Variants in FBXL7 observed in about 807,000 individuals in gnomAD.
FBXL7 encodes the protein F-box and leucine rich repeat protein 7.
FBXL7 carries 12 observed loss-of-function variants against 38.3 expected under a neutral mutation model. The ratio of observed to expected loss-of-function variants is 0.31; its 90% CI spans 0.20 to 0.51. The LOEUF (loss-of-function observed/expected upper bound fraction) is 0.51, where lower values mean the gene tolerates loss of function less well. Ranked by LOEUF, FBXL7 falls within the 20% of genes least tolerant of loss-of-function variation. FBXL7 has a pLI of 0.98. For missense variants in FBXL7, 567 were observed against 676.4 expected (o/e 0.84, Z 1.79); for synonymous variants, 297 against 300.9 (o/e 0.99, Z 0.13).
intron 3 of FBXL7, among the ~76,000 whole-genome samples, chr5:15,931,595 T>G (rs2126465437): frequency 6.6e-6 from 1 of 152,266 alleles, no homozygotes; most frequent in South Asian, 2.1e-4. Flanking sequence ...CTCCAATAAT[T>G]GCTCCCTATG....
chr5:15,891,548 T>G (rs768685147), intron 2 of FBXL7, among the ~76,000 whole-genome samples: 174 of 152,330 alleles, frequency 1.1e-3, no homozygotes, highest in Non-Finnish European at 1.9e-3. Flanking sequence ...CCTTTGAGCT[T>G]ACAGTCTAGT....
intron 2 of FBXL7, among the ~76,000 whole-genome samples, chr5:15,656,393 G>A (rs1195650111): frequency 6.6e-6 from 1 of 152,116 alleles, no homozygotes. Flanking sequence ...ACATGGCTGG[G>A]GAATCCTCAC....
chr5:15,843,076 T>C (rs1738792572), intron 2 of FBXL7, among the ~76,000 whole-genome samples: 1 of 152,234 alleles, frequency 6.6e-6, no homozygotes, highest in Non-Finnish European at 1.5e-5. Context: ...CTTATGTTTT[T>C]AGGTGATTCT....
At chr5:15,721,437 G>A (rs1217454834) in intron 2 of FBXL7, among the ~76,000 whole-genome samples, 1 of 152,026 alleles carries the variant, frequency 6.6e-6, no homozygotes, top group African/African-American at 2.4e-5. Flanking sequence ...TAGCAAACAA[G>A]GTTTCAAACA....
At position 15,862,998 on chromosome 5, in the gene FBXL7, A is replaced by G. The variant is rs140078016; in HGVS notation, c.128-64892A>G. ...TTACTACATGTGCACATCTGTGTGT[A>G]TTGAGAGCATGTTCTTATGTATGGG... On this transcript the variant is annotated intron_variant, in intron 2 of 3. Coordinates refer to ENST00000504595, the MANE Select transcript of FBXL7 (RefSeq NM_012304.5). Among the ~76,000 whole-genome samples the G allele has an allele frequency of 5.2e-3, 796 of 152,282 alleles. 3 individuals carry two copies. Among genetic ancestry groups the G allele is most frequent in the Non-Finnish European group, 8.0e-3 (542 of 68,018 alleles).
intron 2 of FBXL7, among the ~76,000 whole-genome samples, chr5:15,699,414 A>G (rs1330563463): frequency 3.9e-5 from 6 of 152,126 alleles, no homozygotes; most frequent in Non-Finnish European, 7.4e-5. Context: ...GCATTGCTCC[A>G]GCCTCTTCCT....
Position 15,842,128 on chromosome 5 carries a change from G to A in FBXL7, c.128-85762G>A, listed in dbSNP as rs538485598. Among the ~76,000 whole-genome samples the A allele has an allele frequency of 6.6e-5, 10 of 152,290 alleles. No homozygotes were observed. In the East Asian group the frequency reaches 1.5e-3, roughly 24 times the overall value. On this transcript the variant is annotated intron_variant, in intron 2 of 3. Coordinates refer to ENST00000504595, the MANE Select transcript of FBXL7 (RefSeq NM_012304.5). ...CCTGGAAAAGCCACAGACACTCAAC[G>A]CCATCAGTGAAAGCAGCTGGGAGGG...
intron 1 of FBXL7, among the ~76,000 whole-genome samples, chr5:15,523,066 CCACATGT>C (rs1033926158): frequency 1.3e-5 from 2 of 152,206 alleles, no homozygotes; most frequent in African/African-American, 2.4e-5. Context: ...TTCTCCACTA[CCACATGT>C]GACCACCTGA....
rs34322593 is a variant in FBXL7, at chr5:15,937,546, G to GC, written c.*370dup. On this transcript the variant is annotated 3_prime_UTR_variant, in exon 4 of 4. Transcript: ENST00000504595. ...ACAGGCCCCACCCCCACAGTTCCAC[G>GC]CCCCCCCCCCAAGGCCACACCCTCC... is the stretch of plus-strand genomic sequence containing the variant. 2,978 of 64,502 alleles carry GC rather than the reference G, an allele frequency of 0.046. 10 individuals are homozygous for GC. Among genetic ancestry groups the GC allele is most frequent in the East Asian group, 0.081 (281 of 3,464 alleles). The allele number at this position is 64,502 out of a possible 1,614,324, so 4.0% of individuals were successfully genotyped here. A position where few individuals can be genotyped will look rare whatever the true frequency, so the allele number is the denominator to read the frequency against.
chr5:15,507,436 T>G (rs951850672), intron 1 of FBXL7, among the ~76,000 whole-genome samples: 1 of 152,232 alleles, frequency 6.6e-6, no homozygotes, highest in Admixed American at 6.5e-5. Flanking sequence ...ATAAACTGTC[T>G]TAACTCTCTT....
At position 15,601,708 on chromosome 5, in the gene FBXL7, C is replaced by G. The variant is rs1015787737; in HGVS notation, c.38-14275C>G. Among the ~76,000 whole-genome samples, 3 of 152,210 alleles carry G rather than the reference C, an allele frequency of 2.0e-5. No homozygotes were observed. In the East Asian group the frequency reaches 5.8e-4, roughly 29 times the overall value. On this transcript the variant is annotated intron_variant, in intron 1 of 3. Transcript: ENST00000504595. ...TACTTGCTCATCTTTATTTTCCACC[C>G]GTAATAATACTGCCATTCAATGAAA...
intron 1 of FBXL7, among the ~76,000 whole-genome samples, chr5:15,608,294 G>T (rs1200352960): frequency 6.6e-6 from 1 of 152,112 alleles, no homozygotes; most frequent in Non-Finnish European, 1.5e-5. Flanking sequence ...AACCCTGCAG[G>T]TTGGGTAATG....
At chr5:15,833,718 G>A (rs958599845) in intron 2 of FBXL7, among the ~76,000 whole-genome samples, 1 of 152,200 alleles carries the variant, frequency 6.6e-6, no homozygotes, top group African/African-American at 2.4e-5. Flanking sequence ...GCTAAGAGAG[G>A]TTGTAACACT....
chr5:15,937,172 C>T lies in FBXL7; in HGVS notation c.1462C>T (p.Pro488Ser). 1 of 1,592,298 alleles carries T rather than the reference C, an allele frequency of 6.3e-7. No individual in the cohort carries two copies. Among genetic ancestry groups the T allele is most frequent in the Non-Finnish European group, 8.6e-7 (1 of 1,166,712 alleles). ...CKRCVIEHTN[P>S]AFF Reference sequence around the variant, plus strand: ...GCGCTGCGTCATCGAGCACACCAACCCGGCTTTCTTCTGAAGGGACAGAGT... The same window carrying T: ...GCGCTGCGTCATCGAGCACACCAACTCGGCTTTCTTCTGAAGGGACAGAGT... The change falls in exon 4 of 4, where the codon CCG becomes TCG. Residue 488 changes from proline to serine, a missense_variant. Pro to Ser is a moderately conservative substitution (Grantham distance 74). Transcript: ENST00000504595.
intron 2 of FBXL7, among the ~76,000 whole-genome samples, chr5:15,839,742 C>T (rs964877210): frequency 1.3e-5 from 2 of 151,944 alleles, no homozygotes; most frequent in African/African-American, 2.4e-5. Flanking sequence ...TATTTCTCTT[C>T]CTCCTCCTTT....
intron 2 of FBXL7, among the ~76,000 whole-genome samples, chr5:15,656,098 T>A (rs1449875707): frequency 6.6e-6 from 1 of 152,236 alleles, no homozygotes; most frequent in Non-Finnish European, 1.5e-5. Flanking sequence ...ACTGTTGAGC[T>A]CATGATCAAC....
intron 2 of FBXL7, among the ~76,000 whole-genome samples, chr5:15,763,902 G>A (rs1030924986): frequency 3.3e-5 from 5 of 152,214 alleles, no homozygotes; most frequent in Admixed American, 3.3e-4. Context: ...AGAGCCAGGA[G>A]CACTGGTGAT....
chr5:15,677,754 A>G (rs1742711225), intron 2 of FBXL7, among the ~76,000 whole-genome samples: 1 of 152,150 alleles, frequency 6.6e-6, no homozygotes, highest in Admixed American at 6.5e-5. Context: ...TACCGTGTGT[A>G]TTTAGTTTCT....
intron 2 of FBXL7, among the ~76,000 whole-genome samples, chr5:15,788,002 C>A (rs1212789793): frequency 6.6e-6 from 1 of 152,144 alleles, no homozygotes; most frequent in Non-Finnish European, 1.5e-5. Context: ...TAGAGGAGAT[C>A]TCTGCTGCTT....
Sources: gnomAD v4.1 joint callset for allele counts (sites outside exome capture counted in the v4.1 genomes callset) on GRCh38, gnomAD v4.1.1 for gene constraint, MANE v1.5 for transcripts, NCBI Gene and HGNC (gene_info 2026-07-23, HGNC 2026-07-21) for gene names.